Variants in KANSL2 observed in about 807,000 individuals in gnomAD.
The protein encoded by KANSL2 is NSL complex protein NSL2.
Under a neutral mutation model 55.6 loss-of-function variants are expected in KANSL2, and 34 were observed. The ratio of observed to expected loss-of-function variants is 0.61; its 90% CI spans 0.46 to 0.81. KANSL2 has a LOEUF of 0.81. Among genes scored for constraint, KANSL2 ranks in the 40% least tolerant of loss-of-function variants. The pLI is 0.00. For missense variants in KANSL2, 502 were observed against 609.9 expected (o/e 0.82, Z 1.86); for synonymous variants, 209 against 214.3 (o/e 0.98, Z 0.22).
chr12:48,670,198 C>CAAAA (rs55764309), intron 5 of KANSL2, among the ~76,000 whole-genome samples: 3 of 103,600 alleles, frequency 2.9e-5, no homozygotes, highest in East Asian at 2.3e-4. Flanking sequence ...GACTATATCA[C>CAAAA]AAAAAAAAAA....
At chr12:48,678,436 T>C (rs1385624290) in intron 4 of KANSL2, among the ~76,000 whole-genome samples, 1 of 152,108 alleles carries the variant, frequency 6.6e-6, no homozygotes, top group African/African-American at 2.4e-5. Context: ...AACTCTTGAA[T>C]ACCTTTTTAT....
intron 7 of KANSL2, among the ~76,000 whole-genome samples, chr12:48,666,303 G>A (rs1218055317): frequency 1.3e-5 from 2 of 151,902 alleles, no homozygotes; most frequent in Non-Finnish European, 2.9e-5. Flanking sequence ...TGTAAGCCCA[G>A]CATTTGGGGA....
intron 4 of KANSL2, among the ~76,000 whole-genome samples, chr12:48,676,581 C>A (rs1195956134): frequency 1.3e-5 from 2 of 151,980 alleles, no homozygotes; most frequent in East Asian, 3.9e-4. Context: ...TCATTTGAAC[C>A]CGGGAGGCGG....
chr12:48,663,490 G>A (rs896900094), intron 7 of KANSL2, among the ~76,000 whole-genome samples: 9 of 151,998 alleles, frequency 5.9e-5, no homozygotes, highest in African/African-American at 2.2e-4. Flanking sequence ...ACACAAGCTT[G>A]AACTGCACGG....
Position 48,667,691 on chromosome 12 carries a change from A to C in KANSL2, c.973+2T>G. On this transcript the variant is annotated splice_donor_variant, in intron 7 of 9. Coordinates refer to ENST00000420613, the MANE Select transcript of KANSL2 (RefSeq NM_017822.4). LOFTEE classifies it high-confidence loss of function. Reference sequence around the variant, plus strand: ...GCCTTAACAGGCAGAGTAAAAAGATACGGGTAAGGCAGTGTCTGGTCATTG... The same window carrying C: ...GCCTTAACAGGCAGAGTAAAAAGATCCGGGTAAGGCAGTGTCTGGTCATTG... The C allele has an allele frequency of 6.2e-7, 1 of 1,606,444 alleles. No individual in the cohort carries two copies. The highest frequency in any genetic ancestry group is 8.5e-7 in the Non-Finnish European group (1 of 1,173,078).
chr12:48,681,364 A>T lies in KANSL2; in HGVS notation c.251+18T>A. 4 of 1,587,936 alleles carry T rather than the reference A, an allele frequency of 2.5e-6. No individual in the cohort carries two copies. ...CCTCGCTTTAAGAAAAACGACATAT[A>T]TATCTATACATATATACCCATCTTT... On this transcript the variant is annotated intron_variant, in intron 2 of 9. Coordinates refer to ENST00000420613, the MANE Select transcript of KANSL2 (RefSeq NM_017822.4).
At chr12:48,680,156 T>C (rs965200536) in intron 2 of KANSL2, 2 of 198,778 alleles carry the variant, frequency 1.0e-5, no homozygotes, top group Non-Finnish European at 2.1e-5. Context: ...AACTGCTTGG[T>C]TCAAGCGATC....
At chr12:48,666,623 G>T (rs1478183919) in intron 7 of KANSL2, among the ~76,000 whole-genome samples, 1 of 151,434 alleles carries the variant, frequency 6.6e-6, no homozygotes, top group African/African-American at 2.4e-5. Flanking sequence ...AACCCAGGAG[G>T]TGGAAGTTGC....
At position 48,681,570 on chromosome 12, in the gene KANSL2, C is replaced by T; in HGVS notation, c.63G>A (p.Arg21=). Reference sequence around the variant, plus strand: ...ATGCACAAGACAGAGGTTCCTGAGACCTGGGCACTGGAGTGATCCTCCCCC... The same window carrying T: ...ATGCACAAGACAGAGGTTCCTGAGATCTGGGCACTGGAGTGATCCTCCCCC... The part of the protein sequence containing the change: ...TNRGRITPVP[R]SQEPLSCAFT... The change falls in exon 2 of 10, where the codon AGG becomes AGA. Residue 21 remains arginine (R), a synonymous_variant. Coordinates refer to ENST00000420613, the MANE Select transcript of KANSL2 (RefSeq NM_017822.4). 6.2e-7 allele frequency: 1 copy of T among 1,614,010 alleles called. No homozygotes were observed. Among genetic ancestry groups the T allele is most frequent in the Non-Finnish European group, 8.5e-7 (1 of 1,179,892 alleles).
intron 8 of KANSL2, among the ~76,000 whole-genome samples, chr12:48,659,555 C>T (rs1939450974): frequency 6.6e-6 from 1 of 150,774 alleles, no homozygotes; most frequent in Non-Finnish European, 1.5e-5. Context: ...CCCAGGAGTT[C>T]GAGGCTGCAC....
chr12:48,672,073 A>C, intron 4 of KANSL2, 111 bp from the exon 5 acceptor site: 1 of 867,330 alleles, frequency 1.2e-6, no homozygotes, highest in East Asian at 2.7e-5. Context: ...TGGTGACATA[A>C]TCACCTTAAT....
At chr12:48,666,885 A>T (rs1200859879) in intron 7 of KANSL2, among the ~76,000 whole-genome samples, 1 of 151,904 alleles carries the variant, frequency 6.6e-6, no homozygotes, top group Admixed American at 6.6e-5. Context: ...AAAAAACACA[A>T]ATAAAAAAAT....
Position 48,679,782 on chromosome 12 carries a change from A to AAGTG in KANSL2, c.302_303insCACT (p.Gln102ThrfsTer13). 2 of 1,608,894 alleles carry AAGTG rather than the reference A, an allele frequency of 1.2e-6. No homozygotes were observed. Among genetic ancestry groups the AAGTG allele is most frequent in the South Asian group, 2.2e-5 (2 of 90,008 alleles). On this transcript the variant is annotated frameshift_variant, in exon 3 of 10. Transcript: ENST00000420613. LOFTEE classifies it high-confidence loss of function. Reference sequence around the variant, plus strand: ...GCCCTGGGTTGGTCTTCTTCATTTGAGCATGAAGTGCCAGGGCATTCCTAC... The same window carrying AAGTG: ...GCCCTGGGTTGGTCTTCTTCATTTGAAGTGGCATGAAGTGCCAGGGCATTCCTAC...
intron 5 of KANSL2, among the ~76,000 whole-genome samples, chr12:48,670,326 A>C (rs1390056829): frequency 6.8e-6 from 1 of 147,114 alleles, no homozygotes; most frequent in African/African-American, 2.5e-5. Flanking sequence ...TCTATTTATT[A>C]AAAAAAAAAA....
At position 48,653,969 on chromosome 12, in the gene KANSL2, TGA is replaced by T; in HGVS notation, c.*73_*74del. 1.4e-6 allele frequency: 2 copies of T among 1,429,568 alleles called. No individual in the cohort carries two copies. Among genetic ancestry groups the T allele is most frequent in the Admixed American group, 5.3e-5 (2 of 38,002 alleles). 88.6% of individuals were successfully genotyped at this position (1,429,568 alleles called of 1,614,324 possible). On this transcript the variant is annotated 3_prime_UTR_variant, in exon 10 of 10. Coordinates refer to ENST00000420613, the MANE Select transcript of KANSL2 (RefSeq NM_017822.4). ...GGTAGTCTGGGTTGCCTGTGTTTTG[TGA>T]GAGATGATCAGAAATACTTCTTTGA...
rs750939185 is a variant in KANSL2, at chr12:48,671,836, T to C, written c.672A>G (p.Arg224=). Residue 224 remains arginine (R), a synonymous_variant, in exon 5 of 10, where the codon CGA becomes CGG. Coordinates refer to ENST00000420613, the MANE Select transcript of KANSL2 (RefSeq NM_017822.4). ...LQHLLKEKKR[R]YLHNRKVEHE... is the part of the protein sequence containing the mutation. ...GTTCCACTTTGCGATTATGTAAGTA[T>C]CGGCGCTTCTTCTCCTTGAGCAGAT... is the stretch of plus-strand genomic sequence containing the variant. 6.2e-7 allele frequency: 1 copy of C among 1,613,014 alleles called. No homozygotes were observed.
At chr12:48,679,187 C>T in intron 3 of KANSL2, 37 bp from the exon 4 acceptor site, 1 of 1,366,858 alleles carries the variant, frequency 7.3e-7, no homozygotes, top group Non-Finnish European at 1.0e-6. Flanking sequence ...TTAAGACTTC[C>T]CACCTCTGTA....
At chr12:48,656,831 C>G (rs953411596) in intron 8 of KANSL2, 1 of 464,808 alleles carries the variant, frequency 2.2e-6, no homozygotes, top group Non-Finnish European at 4.2e-6. Flanking sequence ...CATGCCACTG[C>G]TTTTCAAGAG....
rs1009534852 is a variant in KANSL2 at position 48,662,436 on chromosome 12, T to C, written c.974-1817A>G. On this transcript the variant is annotated intron_variant, in intron 7 of 9. Transcript: ENST00000420613. ...TTTTTTTTATTGGAATTCAAAGGAC[T>C]TTCACAAGTCTCTTATGTATTTAAT... 3.1e-5 allele frequency: 30 copies of C among 976,466 alleles called. 1 individual carries two copies. The South Asian group carries it at 7.2e-4, about 23-fold the overall frequency. 60.5% of individuals were successfully genotyped at this position (976,466 alleles called of 1,614,324 possible).
Sources: gnomAD v4.1 joint callset for allele counts (sites outside exome capture counted in the v4.1 genomes callset) on GRCh38, gnomAD v4.1.1 for gene constraint, MANE v1.5 for transcripts, NCBI Gene and HGNC (gene_info 2026-07-23, HGNC 2026-07-21) for gene names.